The following MAP4 variants were observed in gnomAD, a reference collection of about 807,000 sequenced individuals.
The protein encoded by MAP4 is microtubule-associated protein 4.
MAP4 carries 76 observed loss-of-function variants against 170.2 expected under a neutral mutation model. The observed-to-expected ratio is 0.45, with a 90% CI of 0.37 to 0.54. The LOEUF (loss-of-function observed/expected upper bound fraction) is 0.54, where lower values mean the gene tolerates loss of function less well. MAP4 is among the 20% of genes least tolerant of loss of function. The pLI, the probability that MAP4 is intolerant of heterozygous loss-of-function variation, is 0.00. For missense variants in MAP4, 2,506 were observed against 2,748.0 expected, an observed-to-expected ratio of 0.91 and a Z score of 1.97; for synonymous variants, 909 against 994.5, an observed-to-expected ratio of 0.91 and a Z score of 1.62.
chr3:47,955,272 T>C (rs2100066994), intron 3 of MAP4, among the ~76,000 whole-genome samples: 1 of 152,158 alleles, frequency 6.6e-6, no homozygotes, highest in Non-Finnish European at 1.5e-5. Flanking sequence ...ATAATGCCTT[T>C]TTCTTCATAC....
chr3:47,943,406 G>A (rs1483911396), intron 3 of MAP4, among the ~76,000 whole-genome samples: 1 of 152,118 alleles, frequency 6.6e-6, no homozygotes, highest in Non-Finnish European at 1.5e-5. Flanking sequence ...GAGGTCAAGA[G>A]TTCAAGACCA....
intron 3 of MAP4, among the ~76,000 whole-genome samples, chr3:47,941,939 T>C (rs1487167642): frequency 2.0e-5 from 3 of 152,218 alleles, no homozygotes; most frequent in African/African-American, 4.8e-5. Flanking sequence ...GTTTGATAAA[T>C]AGATATAACC....
chr3:48,084,527 A>T (rs1329634557), intron 1 of MAP4, among the ~76,000 whole-genome samples: 1 of 151,904 alleles, frequency 6.6e-6, no homozygotes, highest in Non-Finnish European at 1.5e-5. Context: ...ATGGTAGATG[A>T]GTATGATGAA....
intron 1 of MAP4, among the ~76,000 whole-genome samples, chr3:48,045,375 G>A (rs538460815): frequency 3.3e-5 from 5 of 152,054 alleles, no homozygotes; most frequent in African/African-American, 9.6e-5. Flanking sequence ...GGAGGTGAGC[G>A]AAGGGCAGGC....
intron 10 of MAP4, among the ~76,000 whole-genome samples, chr3:47,893,146 A>G (rs184863579): frequency 5.3e-5 from 8 of 152,076 alleles, no homozygotes; most frequent in Middle Eastern, 3.4e-3. Flanking sequence ...AACTGACTTG[A>G]GTGGGGTCCC....
In MAP4 at chr3:47,916,583, T is replaced by G. The variant is rs930969731; in HGVS notation, c.1244A>C (p.Glu415Ala). Residue 415 changes from glutamate to alanine, a missense_variant, in exon 7 of 21, where the codon GAA (glutamate) becomes GCA (alanine). By Grantham distance (107) the Glu-to-Ala change is moderately radical. Around this residue, in one of 3 missense-constraint regions of MAP4, gnomAD observed 2,008 missense variants for 2,206.0 expected, o/e 0.91. Transcript: ENST00000683076. Reference sequence around the variant, plus strand: ...GTCATTAGCCTGTGCCACCTCTATTTCTGAGAGTAATACCAAATCCTTGGC... The same window carrying G: ...GTCATTAGCCTGTGCCACCTCTATTGCTGAGAGTAATACCAAATCCTTGGC... ...VPAKDLVLLS[E>A]IEVAQANDII... 2 of 1,614,246 alleles carry G rather than the reference T, an allele frequency of 1.2e-6. No homozygotes were observed. Among genetic ancestry groups the G allele is most frequent in the Non-Finnish European group, 8.5e-7 (1 of 1,180,042 alleles).
chr3:47,914,527 G>A lies in MAP4; in HGVS notation c.1999+290C>T, dbSNP rs748894226. The stretch of plus-strand genomic sequence containing the variant: ...ATCACGCCATTGCACGCCAGCCTGG[G>A]CGACAGAGTGAGACTCTGTCTCAAA... On this transcript the variant is annotated intron_variant, in intron 8 of 20. Coordinates refer to ENST00000683076, the MANE Select transcript of MAP4 (RefSeq NM_001385682.1). Among the ~76,000 whole-genome samples, 6 of 150,518 alleles carry A rather than the reference G, an allele frequency of 4.0e-5. No individual in the cohort carries two copies. The East Asian group carries it at 5.9e-4, about 15-fold the overall frequency.
At chr3:48,073,561 A>T (rs1304484755) in intron 1 of MAP4, among the ~76,000 whole-genome samples, 1 of 151,798 alleles carries the variant, frequency 6.6e-6, no homozygotes, top group Non-Finnish European at 1.5e-5. Flanking sequence ...CGGAGAGCCG[A>T]GATCGCTCCA....
At chr3:47,989,380 G>A (rs1404919326) in intron 2 of MAP4, among the ~76,000 whole-genome samples, 2 of 152,158 alleles carry the variant, frequency 1.3e-5, no homozygotes, top group Non-Finnish European at 2.9e-5. Flanking sequence ...GCTTCACCTG[G>A]GAAGTGGGAC....
intron 17 of MAP4, among the ~76,000 whole-genome samples, chr3:47,865,335 G>A (rs1448697292): frequency 6.6e-6 from 1 of 152,200 alleles, no homozygotes. Context: ...GACAAAGCCA[G>A]GCTCAGCAGC....
At position 48,061,002 on chromosome 3, in the gene MAP4, G is replaced by A. The variant is rs985927784; in HGVS notation, c.-20+27771C>T. Among the ~76,000 whole-genome samples the A allele has an allele frequency of 7.3e-5, 11 of 151,660 alleles. 1 individual carries two copies. The highest frequency in any genetic ancestry group is 1.0e-4 in the Non-Finnish European group (7 of 67,936). On this transcript the variant is annotated intron_variant, in intron 1 of 18. Coordinates refer to the MAP4 transcript ENST00000360240. ...TGGGACTACAGGTACCCGCCACCAC[G>A]CCCGGCTAATTTTTTTGTATTTTTA...
intron 1 of MAP4, among the ~76,000 whole-genome samples, chr3:48,048,071 C>T (rs897775582): frequency 6.6e-6 from 1 of 152,112 alleles, no homozygotes; most frequent in African/African-American, 2.4e-5. Context: ...TGCCTGTGAA[C>T]AGCCACTGTA....
At chr3:47,941,593 T>C (rs2100056456) in intron 3 of MAP4, among the ~76,000 whole-genome samples, 1 of 147,012 alleles carries the variant, frequency 6.8e-6, no homozygotes, top group Non-Finnish European at 1.5e-5. Flanking sequence ...CTGGCTAACA[T>C]AGTAAAACAC....
intron 1 of MAP4, among the ~76,000 whole-genome samples, chr3:48,070,661 C>A (rs1429302162): frequency 6.6e-6 from 1 of 151,486 alleles, no homozygotes; most frequent in Non-Finnish European, 1.5e-5. Flanking sequence ...AAGTGTGGAC[C>A]CACCAATACA....
intron 3 of MAP4, among the ~76,000 whole-genome samples, chr3:47,941,621 CAAAAACAAAA>C (rs2100056483): frequency 7.4e-6 from 1 of 135,980 alleles, no homozygotes; most frequent in African/African-American, 2.9e-5. Context: ...ACTAAAAAAA[CAAAAACAAAA>C]AAAAAAAAAA....
chr3:47,892,514 C>G, intron 10 of MAP4: 1 of 1,495,568 alleles, frequency 6.7e-7, no homozygotes, highest in South Asian at 1.3e-5. Flanking sequence ...ACTGCTCTCC[C>G]TGCTTTCGCT....
chr3:47,971,730 A>C (rs926732166), intron 3 of MAP4, among the ~76,000 whole-genome samples: 1 of 152,250 alleles, frequency 6.6e-6, no homozygotes, highest in African/African-American at 2.4e-5. Flanking sequence ...CGGCATCAAC[A>C]TAAAATTGAG....
At chr3:47,981,262 T>C (rs765807333) in intron 2 of MAP4, among the ~76,000 whole-genome samples, 2 of 152,030 alleles carry the variant, frequency 1.3e-5, no homozygotes, top group Non-Finnish European at 2.9e-5. Flanking sequence ...AATAGCTAAA[T>C]ATAGATAAAG....
Position 47,912,277 on chromosome 3 carries a change from C to T in MAP4, c.2144G>A (p.Arg715Lys). Residue 715 changes from arginine to lysine, a missense_variant, in exon 9 of 21, where the codon AGG (arginine) becomes AAG (lysine). Transcript: ENST00000683076. Reference sequence around the variant, plus strand: ...CTCAGACAAAGAGCAGTGGCCCAGCCTGTGATCAAGAGTCTTCCATGGAGG... The same window carrying T: ...CTCAGACAAAGAGCAGTGGCCCAGCTTGTGATCAAGAGTCTTCCATGGAGG... The part of the protein sequence containing the change: ...GSPPWKTLDH[R>K]LGHCSLSESG... 1 of 1,536,138 alleles carries T rather than the reference C, an allele frequency of 6.5e-7. No individual in the cohort carries two copies.
Sources: gnomAD v4.1 joint callset for allele counts (sites outside exome capture counted in the v4.1 genomes callset) on GRCh38, gnomAD v4.1.1 for gene constraint, gnomAD v4.1.1 regional missense constraint, MANE v1.5 for transcripts, NCBI Gene and HGNC (gene_info 2026-07-23, HGNC 2026-07-21) for gene names.